Variants in PSMD9 observed in about 807,000 individuals in gnomAD.
PSMD9 encodes proteasome 26S subunit, non-ATPase 9, also known as 26S proteasome non-ATPase regulatory subunit 9.
PSMD9 carries 26 observed loss-of-function variants against 25.9 expected under a neutral mutation model. The observed-to-expected ratio is 1.00, with a 90% confidence interval of 0.73 to 1.39. The LOEUF is 1.39. PSMD9 is among the 40% of genes most tolerant of loss of function. PSMD9 has a pLI of 0.00. For synonymous variants in PSMD9, 110 were observed against 114.5 expected (o/e 0.96, Z 0.25); for missense variants, 303 against 299.3 (o/e 1.01, Z -0.09).
At chr12:121,911,023 T>C (rs1305136853) in intron 4 of PSMD9, 2 of 450,034 alleles carry the variant, frequency 4.4e-6, no homozygotes, top group South Asian at 3.1e-5. Flanking sequence ...TCTTACATAC[T>C]GTGTAGTTTT....
intron 4 of PSMD9, among the ~76,000 whole-genome samples, chr12:121,911,450 T>C (rs1879718319): frequency 6.6e-6 from 1 of 152,240 alleles, no homozygotes; most frequent in Non-Finnish European, 1.5e-5. Context: ...ATACACCACA[T>C]TATTTTTATC....
chr12:121,907,268 C>T (rs767328200), intron 4 of PSMD9, among the ~76,000 whole-genome samples: 4 of 152,056 alleles, frequency 2.6e-5, no homozygotes, highest in Non-Finnish European at 4.4e-5. Context: ...TGGGGTTTCA[C>T]CATGTTGGCC....
intron 4 of PSMD9, chr12:121,911,046 T>TGTTTG: frequency 2.2e-6 from 1 of 455,326 alleles, no homozygotes; most frequent in East Asian, 7.0e-5. Flanking sequence ...TGTTTTGTTT[T>TGTTTG]GTTTTGTTTT....
chr12:121,893,183 A>G (rs1879135826), intron 1 of PSMD9, among the ~76,000 whole-genome samples: 1 of 152,240 alleles, frequency 6.6e-6, no homozygotes, highest in Non-Finnish European at 1.5e-5. Flanking sequence ...AAGGCTGGTC[A>G]ACCCTTAACC....
intron 3 of PSMD9, 96 bp from the exon 4 acceptor site, chr12:121,902,910 C>T (rs770811148): frequency 4.2e-5 from 41 of 976,876 alleles, no homozygotes; most frequent in South Asian, 2.2e-4. Context: ...AAAACAAGCT[C>T]GTGACCTTGG....
rs1384893216 is a variant in PSMD9 at position 121,903,100 on chromosome 12, G to C, written c.548G>C (p.Ser183Thr). 1 of 1,613,598 alleles carries C rather than the reference G, an allele frequency of 6.2e-7. No homozygotes were observed. The highest frequency in any genetic ancestry group is 1.7e-5 in the Admixed American group (1 of 60,006). ...LHNIGSVVQH[S>T]EGKPLNVTVI... ...AACATTGGCAGTGTGGTGCAGCACA[G>C]TGAGGGGGTGAGTGGGGCTACCTGG... is the stretch of plus-strand genomic sequence containing the variant. Residue 183 changes from serine to threonine, a missense_variant, in exon 4 of 6, where the codon AGT (serine) becomes ACT (threonine). Physicochemically the swap from Ser to Thr is moderately conservative, Grantham distance 58. Transcript: ENST00000541212.
In PSMD9 at chr12:121,903,105, G is replaced by A; in HGVS notation, c.553G>A (p.Gly185Arg). Reference sequence around the variant, plus strand: ...TGGCAGTGTGGTGCAGCACAGTGAGGGGGTGAGTGGGGCTACCTGGTGTCT... The same window carrying A: ...TGGCAGTGTGGTGCAGCACAGTGAGAGGGTGAGTGGGGCTACCTGGTGTCT... Reference protein sequence around the residue: ...NIGSVVQHSEGKPLNVTVIRR... With the variant: ...NIGSVVQHSERKPLNVTVIRR... The change falls in exon 4 of 6, where the codon GGG becomes AGG. Residue 185 changes from glycine to arginine, a missense_variant and splice_region_variant. Transcript: ENST00000541212. The A allele has an allele frequency of 6.2e-7, 1 of 1,612,612 alleles. No individual in the cohort carries two copies.
chr12:121,906,189 T>C (rs1879549012), intron 4 of PSMD9, among the ~76,000 whole-genome samples: 1 of 152,136 alleles, frequency 6.6e-6, no homozygotes, highest in Admixed American at 6.6e-5. Flanking sequence ...CTTTTCTTCA[T>C]GTGAAATTTC....
In PSMD9 at chr12:121,917,502, A is replaced by G. The variant is rs891044925; in HGVS notation, c.*1191A>G. 2 of 152,170 alleles carry G rather than the reference A, an allele frequency of 1.3e-5. No homozygotes were observed. Among genetic ancestry groups the G allele is most frequent in the Admixed American group, 6.6e-5 (1 of 15,266 alleles). 9.4% of individuals were successfully genotyped at this position (152,170 alleles called of 1,614,324 possible). The stretch of plus-strand genomic sequence containing the variant: ...TGAATTATTTTTTCCTCTCCATGGT[A>G]TCAGTGTTCATTTCCCCAGTTCTTG... On this transcript the variant is annotated 3_prime_UTR_variant, in exon 6 of 6. Transcript: ENST00000541212.
chr12:121,915,802 G>C, intron 4 of PSMD9, 54 bp from the exon 5 acceptor site: 1 of 1,426,040 alleles, frequency 7.0e-7, no homozygotes, highest in Non-Finnish European at 9.7e-7. Flanking sequence ...ATTTTAGCCT[G>C]CATCTCTGAG....
At position 121,899,783 on chromosome 12, in the gene PSMD9, G is replaced by C. The variant is rs1265763030; in HGVS notation, c.391G>C (p.Gly131Arg). The C allele has an allele frequency of 6.2e-7, 1 of 1,614,084 alleles. No individual in the cohort carries two copies. Residue 131 changes from glycine (G) to arginine (R), a missense_variant, in exon 3 of 6, where the codon GGC becomes CGC. Transcript: ENST00000541212. ...CAAACTGGGTCAGAGTGAGAGCCAG[G>C]GCCCTCCACGGGCCTTCGCCAAAGT... ...SRKLGQSESQGPPRAFAKVNS... is the reference protein window; with the variant it reads ...SRKLGQSESQRPPRAFAKVNS...
chr12:121,899,779 C>T lies in PSMD9; in HGVS notation c.387C>T (p.Ser129=). Residue 129 remains serine (S), a synonymous_variant, in exon 3 of 6, where the codon AGC becomes AGT. Coordinates refer to ENST00000541212, the MANE Select transcript of PSMD9 (RefSeq NM_002813.7). The part of the protein sequence containing the change: ...AMSRKLGQSE[S]QGPPRAFAKV... ...GCCGCAAACTGGGTCAGAGTGAGAG[C>T]CAGGGCCCTCCACGGGCCTTCGCCA... 1 of 1,614,100 alleles carries T rather than the reference C, an allele frequency of 6.2e-7. No individual in the cohort carries two copies. Among genetic ancestry groups the T allele is most frequent in the South Asian group, 1.1e-5 (1 of 91,084 alleles).
At chr12:121,889,258 G>A (rs1565888558) in intron 1 of PSMD9, among the ~76,000 whole-genome samples, 1 of 152,270 alleles carries the variant, frequency 6.6e-6, no homozygotes, top group Non-Finnish European at 1.5e-5. Flanking sequence ...GCATTGTTGA[G>A]TTAATTTAAT....
In PSMD9 at chr12:121,888,894, C is replaced by A; in HGVS notation, c.38C>A (p.Ser13Ter). The A allele has an allele frequency of 6.3e-7, 1 of 1,599,750 alleles. No individual in the cohort carries two copies. The change falls in exon 1 of 6, where the codon TCG (serine) becomes TAG (stop). Residue 13 changes from serine to a stop codon, truncating the protein, a stop_gained. Transcript: ENST00000541212. LOFTEE classifies it high-confidence loss of function. The part of the protein sequence containing the change: ...DEEARQSGGS[S>*]QAGVVTVSDV... ...GAAGCGAGGCAGAGCGGAGGCTCCT[C>A]GCAGGCCGGCGTCGTGACTGTCAGC...
At chr12:121,893,101 C>T (rs987006509) in intron 1 of PSMD9, among the ~76,000 whole-genome samples, 4 of 152,070 alleles carry the variant, frequency 2.6e-5, no homozygotes, top group East Asian at 3.9e-4. Flanking sequence ...TATTTAATGC[C>T]GTGTGTGTGA....
At chr12:121,899,452 G>A in intron 2 of PSMD9, 182 bp from the exon 3 acceptor site, 1 of 613,766 alleles carries the variant, frequency 1.6e-6, no homozygotes, top group Non-Finnish European at 2.9e-6. Context: ...TTCTGGAGCT[G>A]CTCCTTGCAG....
At position 121,899,626 on chromosome 12, in the gene PSMD9, C is replaced by T; in HGVS notation, c.242-8C>T. On this transcript the variant is annotated splice_region_variant and splice_polypyrimidine_tract_variant and intron_variant, in intron 2 of 5. Transcript: ENST00000541212. ...TCCTTGGCCCCTGATGTGTGGTTCT[C>T]ATCCCAGGCCTGCAGAATGATCACA... 5.7e-6 allele frequency: 9 copies of T among 1,591,722 alleles called. No homozygotes were observed. The highest frequency in any genetic ancestry group is 6.8e-6 in the Non-Finnish European group (8 of 1,168,878).
intron 3 of PSMD9, among the ~76,000 whole-genome samples, chr12:121,901,594 A>T (rs1259785912): frequency 6.8e-6 from 1 of 147,658 alleles, no homozygotes; most frequent in Non-Finnish European, 1.5e-5. Context: ...GCCTCAAGCG[A>T]TCCTTCTTCC....
At chr12:121,913,813 C>T (rs894044632) in intron 4 of PSMD9, among the ~76,000 whole-genome samples, 1 of 151,990 alleles carries the variant, frequency 6.6e-6, no homozygotes. Flanking sequence ...TGTATTTTCT[C>T]CTATCATGTG....
Sources: allele counts gnomAD v4.1 joint callset (sites outside exome capture counted in the v4.1 genomes callset), GRCh38; gene constraint gnomAD v4.1.1; transcripts MANE v1.5; gene names NCBI Gene and HGNC (gene_info 2026-07-23, HGNC 2026-07-21).